The following FGF14 variants were observed in gnomAD, a reference collection of about 807,000 sequenced individuals.
FGF14 encodes the protein fibroblast growth factor homologous factor 4.
A neutral mutation model predicts 25.5 loss-of-function variants in FGF14; 5 were observed. That is an observed-to-expected ratio of 0.20 (90% CI 0.10 to 0.41). The LOEUF is 0.41. Ranked by LOEUF, FGF14 falls within the 10% of genes least tolerant of loss-of-function variation. The pLI is 1.00. For synonymous variants in FGF14, 138 were observed against 118.3 expected (o/e 1.17, Z -1.08); for missense variants, 222 against 320.1 (o/e 0.69, Z 2.34).
chr13:102,352,140 C>T (rs1414230912), intron 1 of FGF14, among the ~76,000 whole-genome samples: 2 of 151,948 alleles, frequency 1.3e-5, no homozygotes, highest in African/African-American at 4.8e-5. Flanking sequence ...CGTTGTCAAA[C>T]ATTATGGTGT....
chr13:101,783,139 CT>C (rs2039607897), intron 3 of FGF14, among the ~76,000 whole-genome samples: 1 of 151,974 alleles, frequency 6.6e-6, no homozygotes, highest in Non-Finnish European at 1.5e-5. Context: ...GATGTTGAGC[CT>C]TTTTTTCATA....
chr13:101,896,522 CATA>C (rs1196196594), intron 1 of FGF14, among the ~76,000 whole-genome samples: 1 of 152,092 alleles, frequency 6.6e-6, no homozygotes, highest in Admixed American at 6.6e-5. Flanking sequence ...TGGAGAAAAA[CATA>C]ATGAGAGGCA....
intron 1 of FGF14, among the ~76,000 whole-genome samples, chr13:102,134,649 C>T (rs1386686041): frequency 6.6e-6 from 1 of 152,122 alleles, no homozygotes; most frequent in African/African-American, 2.4e-5. Context: ...GACTAATTGC[C>T]TGGGGCCCCA....
rs955174682 is a variant in FGF14, at chr13:101,971,394, T to A, written c.209-96098A>T. Among the ~76,000 whole-genome samples the A allele has an allele frequency of 1.2e-4, 18 of 150,790 alleles. 1 individual carries two copies. Among genetic ancestry groups the A allele is most frequent in the Non-Finnish European group, 4.4e-5 (3 of 67,744 alleles). The stretch of plus-strand genomic sequence containing the variant: ...TATAACTTTTTTTTTTTTTTTGAAA[T>A]GGGTCTCACTCTGTCACCCAGGCTG... On this transcript the variant is annotated intron_variant, in intron 1 of 4. Transcript: ENST00000376131.
At chr13:102,088,434 T>TA (rs1247033201) in intron 1 of FGF14, among the ~76,000 whole-genome samples, 1 of 152,208 alleles carries the variant, frequency 6.6e-6, no homozygotes, top group Non-Finnish European at 1.5e-5. Flanking sequence ...AAGTTCATGT[T>TA]ACAATGTACC....
At chr13:102,297,425 T>G (rs535232423) in intron 1 of FGF14, among the ~76,000 whole-genome samples, 62 of 152,136 alleles carry the variant, frequency 4.1e-4, no homozygotes, top group African/African-American at 1.5e-3. Context: ...ATTGTGGGCT[T>G]TAGTTAGTAA....
At chr13:102,016,574 A>G (rs192808717) in intron 1 of FGF14, among the ~76,000 whole-genome samples, 1 of 152,270 alleles carries the variant, frequency 6.6e-6, no homozygotes, top group Admixed American at 6.5e-5. Context: ...TTATTTTCCA[A>G]AGGCAAAAGA....
rs570801214 is a variant in FGF14, at chr13:102,200,533, A to G, written c.208+200938T>C. Among the ~76,000 whole-genome samples the G allele has an allele frequency of 7.2e-5, 11 of 152,186 alleles. No individual in the cohort carries two copies. In the South Asian group the frequency reaches 2.3e-3, roughly 32 times the overall value. On this transcript the variant is annotated intron_variant, in intron 1 of 4. Transcript: ENST00000376131. ...TCTAGGGAGAAATCATGATTCCCAT[A>G]TTATATGTTAGAAAAACGTCAAGGC...
chr13:102,271,258 T>C (rs531502333), intron 1 of FGF14, among the ~76,000 whole-genome samples: 68 of 152,320 alleles, frequency 4.5e-4, no homozygotes, highest in Admixed American at 8.5e-4. Context: ...ACAATTTTTA[T>C]ATCTCATATT....
chr13:101,728,439 G>A (rs2035585959), intron 3 of FGF14, among the ~76,000 whole-genome samples: 1 of 151,926 alleles, frequency 6.6e-6, no homozygotes, highest in Non-Finnish European at 1.5e-5. Flanking sequence ...CCTCCAATTA[G>A]TTTTCTCACT....
intron 1 of FGF14, among the ~76,000 whole-genome samples, chr13:102,004,736 C>T (rs774202979): frequency 2.0e-5 from 3 of 152,076 alleles, no homozygotes; most frequent in Non-Finnish European, 4.4e-5. Context: ...GGGAGGCATC[C>T]GATGGGAGGT....
At chr13:102,119,647 T>C (rs2045628457) in intron 1 of FGF14, among the ~76,000 whole-genome samples, 2 of 152,222 alleles carry the variant, frequency 1.3e-5, no homozygotes, top group South Asian at 4.1e-4. Flanking sequence ...TCTGTGTGCA[T>C]ATATATATTC....
At chr13:101,743,057 C>G (rs2036654106) in intron 3 of FGF14, among the ~76,000 whole-genome samples, 1 of 152,188 alleles carries the variant, frequency 6.6e-6, no homozygotes, top group African/African-American at 2.4e-5. Flanking sequence ...TCAAGTTGTC[C>G]CGCCTTTCCA....
chr13:102,157,843 C>T, intron 1 of FGF14, among the ~76,000 whole-genome samples: 1 of 152,172 alleles, frequency 6.6e-6, no homozygotes, highest in Non-Finnish European at 1.5e-5. Flanking sequence ...CAAACAACCC[C>T]ATCAAAAAGT....
intron 1 of FGF14, among the ~76,000 whole-genome samples, chr13:101,884,644 A>G (rs1413495869): frequency 6.6e-6 from 1 of 151,970 alleles, no homozygotes; most frequent in Non-Finnish European, 1.5e-5. Context: ...GTAAGAATCA[A>G]CTCTCCCACA....
intron 3 of FGF14, among the ~76,000 whole-genome samples, chr13:101,754,630 G>A (rs2037520377): frequency 1.3e-5 from 2 of 152,128 alleles, no homozygotes; most frequent in Non-Finnish European, 2.9e-5. Context: ...TTAGGAGGCT[G>A]AGGCGGGAGA....
At chr13:101,877,337 G>A (rs760876379) in intron 1 of FGF14, among the ~76,000 whole-genome samples, 59 of 152,000 alleles carry the variant, frequency 3.9e-4, no homozygotes, top group Non-Finnish European at 1.9e-4. Context: ...AAATCATAAC[G>A]CCATTGATTC....
intron 1 of FGF14, among the ~76,000 whole-genome samples, chr13:101,895,767 G>A (rs2138934623): frequency 6.6e-6 from 1 of 152,274 alleles, no homozygotes; most frequent in East Asian, 1.9e-4. Flanking sequence ...AGAGATTTGT[G>A]AGAGTTATAT....
At chr13:102,391,060 C>T (rs2058420766) in intron 1 of FGF14, among the ~76,000 whole-genome samples, 2 of 152,142 alleles carry the variant, frequency 1.3e-5, no homozygotes, top group Non-Finnish European at 1.5e-5. Flanking sequence ...TATTTTGGGT[C>T]TATTTTCCTA....
Sources: gnomAD v4.1 joint callset for allele counts (sites outside exome capture counted in the v4.1 genomes callset) on GRCh38, gnomAD v4.1.1 for gene constraint, MANE v1.5 for transcripts, NCBI Gene and HGNC (gene_info 2026-07-23, HGNC 2026-07-21) for gene names.